IQCB1: variants seen among roughly 807,000 people sequenced by gnomAD.
IQCB1 encodes IQ calmodulin-binding motif-containing protein 1.
IQCB1 carries 56 observed loss-of-function variants against 84.4 expected under a neutral mutation model. The ratio of observed to expected loss-of-function variants is 0.66; its 90% CI spans 0.54 to 0.83. The LOEUF (loss-of-function observed/expected upper bound fraction) is 0.83. IQCB1 is among the 40% of genes least tolerant of loss of function. The pLI is 0.00. For missense variants in IQCB1, 629 were observed against 682.1 expected, an observed-to-expected ratio of 0.92 and a Z score of 0.87; for synonymous variants, 210 against 234.8, an observed-to-expected ratio of 0.89 and a Z score of 0.96.
chr3:121,794,615 G>A (rs1400144857), intron 10 of IQCB1, among the ~76,000 whole-genome samples: 1 of 151,928 alleles, frequency 6.6e-6, no homozygotes, highest in Non-Finnish European at 1.5e-5. Context: ...ATTCTTCCCT[G>A]AAGAAAACGT....
In IQCB1 at chr3:121,797,152, A is replaced by ACTTCCTG; in HGVS notation, c.841_842insCAGGAAG (p.Leu281SerfsTer63). 6.2e-7 allele frequency: 1 copy of ACTTCCTG among 1,607,236 alleles called. No individual in the cohort carries two copies. The highest frequency in any genetic ancestry group is 8.5e-7 in the Non-Finnish European group (1 of 1,174,844). On this transcript the variant is annotated frameshift_variant, in exon 9 of 15. Coordinates refer to ENST00000310864, the MANE Select transcript of IQCB1 (RefSeq NM_001023570.4). LOFTEE classifies it high-confidence loss of function. ...TACTTCCTGATAGACCATTGGGCTT[A>ACTTCCTG]AAAGGCCAACAAGCTGTCTAAGTTC...
At chr3:121,818,024 GA>G (rs1360023920) in intron 5 of IQCB1, among the ~76,000 whole-genome samples, 2 of 152,138 alleles carry the variant, frequency 1.3e-5, no homozygotes, top group Non-Finnish European at 2.9e-5. Context: ...AGAACTATAA[GA>G]AATAAATGTC....
At chr3:121,781,245 G>T (rs535906957) in intron 13 of IQCB1, among the ~76,000 whole-genome samples, 32 of 152,290 alleles carry the variant, frequency 2.1e-4, no homozygotes, top group African/African-American at 6.7e-4. Context: ...CCATCCTGTG[G>T]TCATAGAAAG....
chr3:121,776,179 C>T (rs896259075), intron 13 of IQCB1, among the ~76,000 whole-genome samples: 51 of 152,246 alleles, frequency 3.3e-4, no homozygotes, highest in Non-Finnish European at 5.9e-4. Flanking sequence ...CCTGCCTTGG[C>T]CTCTCAAAGT....
At chr3:121,779,619 A>ATCC (rs756408294) in intron 13 of IQCB1, among the ~76,000 whole-genome samples, 2 of 152,066 alleles carry the variant, frequency 1.3e-5, no homozygotes, top group Non-Finnish European at 2.9e-5. Context: ...TTGACTGAAT[A>ATCC]TCCTCCTCAT....
At chr3:121,777,466 G>C (rs4676749) in intron 13 of IQCB1, among the ~76,000 whole-genome samples, 1 of 151,882 alleles carries the variant, frequency 6.6e-6, no homozygotes, top group African/African-American at 2.4e-5. Context: ...ATATATAAAT[G>C]TAGAAAATGT....
chr3:121,780,173 T>C (rs1044536182), intron 13 of IQCB1, among the ~76,000 whole-genome samples: 11 of 152,172 alleles, frequency 7.2e-5, no homozygotes, highest in African/African-American at 2.7e-4. Flanking sequence ...CTCAGTGCCA[T>C]CTCCTTAACT....
Position 121,788,318 on chromosome 3 carries a change from A to T in IQCB1, c.1244T>A (p.Ile415Lys), listed in dbSNP as rs757736457. The T allele has an allele frequency of 6.2e-7, 1 of 1,613,980 alleles. No individual in the cohort carries two copies. The highest frequency in any genetic ancestry group is 2.2e-5 in the East Asian group (1 of 44,842). ...AAGTGTGACAGCTGCTTTATACTCT[A>T]TGAGAGACTGCCTCTGTTGGTGAAA... ...KNFHQQRQSL[I>K]EYKAAVTLQR... is the part of the protein sequence containing the mutation. The change falls in exon 12 of 15, where the codon ATA becomes AAA. Residue 415 changes from isoleucine to lysine, a missense_variant. Ile to Lys is a moderately radical substitution (Grantham distance 102). Transcript: ENST00000310864.
intron 4 of IQCB1, 139 bp from the exon 5 acceptor site, chr3:121,826,319 A>G: frequency 1.2e-6 from 1 of 835,092 alleles, no homozygotes; most frequent in South Asian, 1.5e-5. Context: ...TTGAAAAATT[A>G]GTCTAACAAC....
At chr3:121,789,438 C>G (rs6777997) in intron 11 of IQCB1, among the ~76,000 whole-genome samples, 23,505 of 151,992 alleles carry the variant, frequency 0.15, 1,955 homozygotes, top group South Asian at 0.33. Flanking sequence ...GCTCAGCACT[C>G]AGCTGAGAGT....
chr3:121,805,832 T>A (rs140787557), intron 7 of IQCB1, among the ~76,000 whole-genome samples: 7 of 152,248 alleles, frequency 4.6e-5, no homozygotes, highest in African/African-American at 1.7e-4. Flanking sequence ...CCTCTGCAGA[T>A]CTCTGGGGTT....
intron 5 of IQCB1, among the ~76,000 whole-genome samples, chr3:121,822,305 T>C (rs1230204662): frequency 6.6e-6 from 1 of 152,232 alleles, no homozygotes; most frequent in Non-Finnish European, 1.5e-5. Context: ...GGTTCTGTTT[T>C]TCTGGAGAGA....
At chr3:121,792,082 C>T (rs1458189509) in intron 10 of IQCB1, among the ~76,000 whole-genome samples, 1 of 151,972 alleles carries the variant, frequency 6.6e-6, no homozygotes, top group Non-Finnish European at 1.5e-5. Flanking sequence ...TGAGACTCCG[C>T]CTCAAAACAA....
chr3:121,788,193 C>A (rs1412706905), intron 12 of IQCB1, 91 bp downstream of exon 12: 4 of 1,281,788 alleles, frequency 3.1e-6, no homozygotes, highest in Non-Finnish European at 3.4e-6. Flanking sequence ...GTGTCTTGAC[C>A]AAGGCTTTAC....
chr3:121,807,223 G>A, intron 7 of IQCB1, 121 bp downstream of exon 7: 1 of 676,830 alleles, frequency 1.5e-6, no homozygotes, highest in Non-Finnish European at 2.8e-6. Flanking sequence ...AGTATATAGT[G>A]CATATACTTG....
chr3:121,782,542 GT>G (rs966369295), intron 12 of IQCB1, among the ~76,000 whole-genome samples: 3 of 151,430 alleles, frequency 2.0e-5, no homozygotes, highest in African/African-American at 4.9e-5. Context: ...TTTTGTTTTT[GT>G]TTTTTTTGTT....
At chr3:121,799,055 T>C (rs1949305157) in intron 8 of IQCB1, 141 bp downstream of exon 8, 1 of 622,694 alleles carries the variant, frequency 1.6e-6, no homozygotes, top group Non-Finnish European at 2.9e-6. Context: ...CTTTTTTTTT[T>C]CTGAATTGGT....
Position 121,772,704 on chromosome 3 carries a change from T to G in IQCB1, c.1420A>C (p.Met474Leu). Residue 474 changes from methionine (M) to leucine (L), a missense_variant, in exon 14 of 15, where the codon ATG becomes CTG. Coordinates refer to ENST00000310864, the MANE Select transcript of IQCB1 (RefSeq NM_001023570.4). Reference protein sequence around the residue: ...DYVRRHLGSPMSDVVSRELHA... With the variant: ...DYVRRHLGSPLSDVVSRELHA... Reference sequence around the variant, plus strand: ...AGCTCCCTACTGACCACATCTGACATTGGAGAGCCCTGGAAACACAGGACA... The same window carrying G: ...AGCTCCCTACTGACCACATCTGACAGTGGAGAGCCCTGGAAACACAGGACA... The G allele has an allele frequency of 6.2e-7, 1 of 1,614,080 alleles. No homozygotes were observed.
At chr3:121,833,633 TAC>T (rs199731977) in intron 2 of IQCB1, among the ~76,000 whole-genome samples, 1 of 152,168 alleles carries the variant, frequency 6.6e-6, no homozygotes, top group Non-Finnish European at 1.5e-5. Flanking sequence ...TGTACATGTG[TAC>T]ACACACACAG....
Sources: gnomAD v4.1 joint callset for allele counts (sites outside exome capture counted in the v4.1 genomes callset) on GRCh38, gnomAD v4.1.1 for gene constraint, MANE v1.5 for transcripts, NCBI Gene and HGNC (gene_info 2026-07-23, HGNC 2026-07-21) for gene names.